MACROD2: variants seen among roughly 807,000 people sequenced by gnomAD.
MACROD2 encodes mono-ADP ribosylhydrolase 2.
In MACROD2, 36 loss-of-function variants were observed where a neutral mutation model predicts 70.4. That is an observed-to-expected ratio of 0.51 (90% CI 0.39 to 0.68). The LOEUF (loss-of-function observed/expected upper bound fraction) is 0.68, where lower values mean the gene tolerates loss of function less well. Ranked by LOEUF, MACROD2 falls within the 30% of genes least tolerant of loss-of-function variation. The pLI is 0.00. For synonymous variants in MACROD2, 172 were observed against 178.8 expected, an observed-to-expected ratio of 0.96 and a Z score of 0.30; for missense variants, 496 against 538.4, an observed-to-expected ratio of 0.92 and a Z score of 0.78.
chr20:15,927,200 C>G lies in MACROD2; in HGVS notation c.776-6076C>G, dbSNP rs141505371. ...TTCATCTGCCTAGAGAACTGAAATA[C>G]GATTCAAGGAAAAAATAATAATGCT... is the stretch of plus-strand genomic sequence containing the variant. On this transcript the variant is annotated intron_variant, in intron 10 of 17. Coordinates refer to ENST00000684519, the MANE Select transcript of MACROD2 (RefSeq NM_001351661.2). Among the ~76,000 whole-genome samples, 900 of 152,164 alleles carry G rather than the reference C, an allele frequency of 5.9e-3. 2 individuals are homozygous for G. Among genetic ancestry groups the G allele is most frequent in the Admixed American group, 0.011 (165 of 15,288 alleles).
chr20:14,372,699 C>T (rs1172365730), intron 3 of MACROD2, among the ~76,000 whole-genome samples: 2 of 152,158 alleles, frequency 1.3e-5, no homozygotes, highest in African/African-American at 4.8e-5. Context: ...TTCCAGACTT[C>T]CGATAACACA....
chr20:15,272,557 A>G (rs1268092395), intron 6 of MACROD2, among the ~76,000 whole-genome samples: 1 of 152,214 alleles, frequency 6.6e-6, no homozygotes, highest in African/African-American at 2.4e-5. Context: ...TGAAGCACTT[A>G]ACACACAGAA....
intron 5 of MACROD2, among the ~76,000 whole-genome samples, chr20:15,084,086 A>G (rs1373967441): frequency 4.9e-5 from 1 of 20,378 alleles, no homozygotes; most frequent in Non-Finnish European, 1.1e-4. Context: ...TTTTTTTTTA[A>G]TGAAGTTTTG....
At chr20:15,817,738 A>G (rs1303291333) in intron 8 of MACROD2, among the ~76,000 whole-genome samples, 1 of 152,034 alleles carries the variant, frequency 6.6e-6, no homozygotes. Flanking sequence ...TATTTTTGCC[A>G]CCATCCTCCT....
intron 8 of MACROD2, among the ~76,000 whole-genome samples, chr20:15,607,870 A>G (rs757693673): frequency 2.2e-4 from 34 of 152,210 alleles, no homozygotes; most frequent in Non-Finnish European, 4.1e-4. Context: ...ACTCATTGTA[A>G]TTCTGTGTGA....
At chr20:15,338,828 A>C (rs1349404478) in intron 6 of MACROD2, among the ~76,000 whole-genome samples, 2 of 151,494 alleles carry the variant, frequency 1.3e-5, no homozygotes, top group African/African-American at 4.9e-5. Context: ...CCTATTTTCA[A>C]ACCTTGACTG....
chr20:14,432,256 A>G (rs1407369800), intron 3 of MACROD2, among the ~76,000 whole-genome samples: 2 of 151,946 alleles, frequency 1.3e-5, no homozygotes, highest in African/African-American at 4.8e-5. Flanking sequence ...TAAATACTCT[A>G]CTATTATTAT....
intron 5 of MACROD2, among the ~76,000 whole-genome samples, chr20:15,048,993 C>A (rs943392698): frequency 6.6e-6 from 1 of 151,638 alleles, no homozygotes; most frequent in Non-Finnish European, 1.5e-5. Context: ...GCATTATATA[C>A]TTTTTCAATC....
intron 5 of MACROD2, among the ~76,000 whole-genome samples, chr20:14,972,815 A>G (rs935413965): frequency 6.6e-6 from 1 of 152,166 alleles, no homozygotes; most frequent in Non-Finnish European, 1.5e-5. Flanking sequence ...GAGTGAATTT[A>G]GCTTGACACA....
intron 9 of MACROD2, among the ~76,000 whole-genome samples, chr20:15,884,824 G>A (rs1178446728): frequency 6.6e-6 from 1 of 152,094 alleles, no homozygotes; most frequent in Non-Finnish European, 1.5e-5. Context: ...CTGGAGGCTG[G>A]AAGTCCAAGA....
intron 8 of MACROD2, among the ~76,000 whole-genome samples, chr20:15,629,033 TC>T (rs1568939005): frequency 6.6e-6 from 1 of 152,204 alleles, no homozygotes; most frequent in Non-Finnish European, 1.5e-5. Flanking sequence ...TTTGGGTCAT[TC>T]CCAGTTTGAG....
chr20:15,669,036 G>C lies in MACROD2; in HGVS notation c.645+169189G>C, dbSNP rs548998993. 1.5e-4 allele frequency among the ~76,000 whole-genome samples: 23 copies of C among 152,296 alleles called. No homozygotes were observed. The South Asian group carries it at 4.8e-3, about 32-fold the overall frequency. On this transcript the variant is annotated intron_variant, in intron 8 of 17. Coordinates refer to ENST00000684519, the MANE Select transcript of MACROD2 (RefSeq NM_001351661.2). ...ACAGGAAAGAAATTTAGAGAAACTA[G>C]AGCATTTAGAGCTAGAAGGGACCTA...
chr20:15,444,312 C>T (rs1238949383), intron 7 of MACROD2, among the ~76,000 whole-genome samples: 1 of 152,144 alleles, frequency 6.6e-6, no homozygotes, highest in Non-Finnish European at 1.5e-5. Flanking sequence ...AGGATATGTG[C>T]ACTGTTTCTA....
intron 5 of MACROD2, among the ~76,000 whole-genome samples, chr20:14,718,191 G>A (rs1260379050): frequency 2.7e-5 from 4 of 150,338 alleles, no homozygotes; most frequent in Non-Finnish European, 5.9e-5. Context: ...TACTCAGGAG[G>A]CTGAGGCAGG....
chr20:14,337,236 T>C (rs1416453267), intron 3 of MACROD2, among the ~76,000 whole-genome samples: 1 of 152,216 alleles, frequency 6.6e-6, no homozygotes, highest in Non-Finnish European at 1.5e-5. Context: ...TCAGCCATGA[T>C]AGTGAAATTT....
intron 3 of MACROD2, among the ~76,000 whole-genome samples, chr20:14,361,043 G>A (rs116405860): frequency 6.6e-6 from 1 of 152,160 alleles, no homozygotes; most frequent in African/African-American, 2.4e-5. Flanking sequence ...TTTGGAAGTC[G>A]AATTGCTGTT....
intron 8 of MACROD2, among the ~76,000 whole-genome samples, chr20:15,509,458 T>G (rs961628190): frequency 1.3e-5 from 2 of 152,286 alleles, no homozygotes; most frequent in Admixed American, 1.3e-4. Context: ...TTTGCTCAGA[T>G]GACTTGGCCA....
At chr20:15,302,569 G>A (rs761296172) in intron 6 of MACROD2, among the ~76,000 whole-genome samples, 4 of 152,164 alleles carry the variant, frequency 2.6e-5, no homozygotes, top group Non-Finnish European at 4.4e-5. Context: ...CCATTCCTCT[G>A]TTGATGGATA....
intron 6 of MACROD2, among the ~76,000 whole-genome samples, chr20:15,273,256 C>T (rs997881227): frequency 1.3e-5 from 2 of 152,122 alleles, no homozygotes; most frequent in East Asian, 1.9e-4. Context: ...GCCAAGCCTC[C>T]GAGCCTACAT....
Sources: gnomAD v4.1 joint callset for allele counts (sites outside exome capture counted in the v4.1 genomes callset) on GRCh38, gnomAD v4.1.1 for gene constraint, MANE v1.5 for transcripts, NCBI Gene and HGNC (gene_info 2026-07-23, HGNC 2026-07-21) for gene names.